Variants in PALM2AKAP2 observed in about 807,000 individuals in gnomAD.
PALM2AKAP2 encodes PALM2 and AKAP2 fusion.
In PALM2AKAP2, 37 loss-of-function variants were observed where a neutral mutation model predicts 71.5. The observed-to-expected ratio is 0.52, with a 90% CI of 0.40 to 0.68. PALM2AKAP2 has a LOEUF of 0.68. Among genes scored for constraint, PALM2AKAP2 ranks in the 30% least tolerant of loss-of-function variants. PALM2AKAP2 has a pLI of 0.00. For missense variants in PALM2AKAP2, 1,224 were observed against 1,191.8 expected (o/e 1.03, Z -0.40); for synonymous variants, 468 against 478.8 (o/e 0.98, Z 0.29).
exon 2 of PALM2AKAP2, chr9:110,138,194 G>A (rs1260907304): frequency 1.9e-6 from 3 of 1,613,878 alleles, no homozygotes; most frequent in Non-Finnish European, 2.5e-6. Flanking sequence ...GGCGCTCAGG[G>A]AAAGGGGGCC....
intron 6 of PALM2AKAP2, among the ~76,000 whole-genome samples, chr9:109,947,724 T>C (rs1394511308): frequency 2.0e-5 from 3 of 152,240 alleles, no homozygotes; most frequent in Non-Finnish European, 4.4e-5. Context: ...ACAGGTCCTT[T>C]CCTGGAAGAA....
chr9:109,983,234 A>G (rs1255317432), intron 6 of PALM2AKAP2, among the ~76,000 whole-genome samples: 6 of 152,192 alleles, frequency 3.9e-5, no homozygotes, highest in African/African-American at 1.4e-4. Context: ...TCCTTGACAA[A>G]ATGTGCCATA....
chr9:110,160,663 A>G (rs1268474168), intron 3 of PALM2AKAP2, among the ~76,000 whole-genome samples: 1 of 152,198 alleles, frequency 6.6e-6, no homozygotes, highest in Non-Finnish European at 1.5e-5. Context: ...GAGCCTCAGA[A>G]AGTGAAGATG....
intron 1 of PALM2AKAP2, chr9:109,867,118 T>C (rs1829467705): frequency 2.2e-6 from 1 of 456,964 alleles, no homozygotes; most frequent in Middle Eastern, 3.3e-4. Flanking sequence ...GATTGAGACG[T>C]TTTTATTCTT....
chr9:109,858,849 C>G (rs1291365929), intron 1 of PALM2AKAP2, among the ~76,000 whole-genome samples: 1 of 152,100 alleles, frequency 6.6e-6, no homozygotes, highest in African/African-American at 2.4e-5. Context: ...GTGAAGCACT[C>G]CTAGCAAAGA....
In PALM2AKAP2 at chr9:110,039,808, C is replaced by A. The variant is rs559957387; in HGVS notation, c.582+23769C>A. Among the ~76,000 whole-genome samples, 372 of 152,346 alleles carry A rather than the reference C, an allele frequency of 2.4e-3. 1 individual carries two copies. Among genetic ancestry groups the A allele is most frequent in the Non-Finnish European group, 4.2e-3 (283 of 68,046 alleles). Reference sequence around the variant, plus strand: ...CTTAGCAGTCAGCACTTGGACTCATCAACGCCTGAGCCCTCTGTGGGAATC... The same window carrying A: ...CTTAGCAGTCAGCACTTGGACTCATAAACGCCTGAGCCCTCTGTGGGAATC... On this transcript the variant is annotated intron_variant, in intron 7 of 9. Transcript: ENST00000302798.
At chr9:109,809,215 T>C (rs185202287) in intron 1 of PALM2AKAP2, among the ~76,000 whole-genome samples, 41 of 152,310 alleles carry the variant, frequency 2.7e-4, no homozygotes, top group Admixed American at 2.6e-3. Flanking sequence ...ACAGCTTTCA[T>C]CGTGCAACTA....
chr9:110,027,529 A>G (rs1833202005), intron 7 of PALM2AKAP2, among the ~76,000 whole-genome samples: 1 of 152,250 alleles, frequency 6.6e-6, no homozygotes, highest in African/African-American at 2.4e-5. Context: ...TTACATGTTC[A>G]ATATTTCTCA....
intron 1 of PALM2AKAP2, among the ~76,000 whole-genome samples, chr9:109,785,666 C>T (rs535763777): frequency 1.2e-4 from 18 of 152,302 alleles, no homozygotes; most frequent in Admixed American, 4.6e-4. Context: ...CATCAGATCT[C>T]GTGAGACTGA....
intron 1 of PALM2AKAP2, among the ~76,000 whole-genome samples, chr9:110,091,970 A>T (rs1834725928): frequency 6.6e-6 from 1 of 152,180 alleles, no homozygotes; most frequent in African/African-American, 2.4e-5. Flanking sequence ...GATGGAGCCA[A>T]GCCCTTTTGT....
At chr9:109,764,440 C>T (rs1379527999) in intron 1 of PALM2AKAP2, among the ~76,000 whole-genome samples, 1 of 152,192 alleles carries the variant, frequency 6.6e-6, no homozygotes, top group Non-Finnish European at 1.5e-5. Context: ...CCCCTAGCCC[C>T]CATTGAGAGC....
At chr9:110,017,004 T>C (rs12348142) in intron 7 of PALM2AKAP2, among the ~76,000 whole-genome samples, 11,363 of 152,096 alleles carry the variant, frequency 0.075, 1,350 homozygotes, top group African/African-American at 0.25. Context: ...CTCAGCCTCC[T>C]GAGTAGCTGG....
upstream of PALM2AKAP2, among the ~76,000 whole-genome samples, chr9:110,044,344 CTTTTTTTTTTTTTTTTT>C (rs57314430): frequency 5.0e-5 from 4 of 80,154 alleles, no homozygotes; most frequent in Non-Finnish European, 9.0e-5. Context: ...TTCTTTCTTT[CTTTTTTTTTTTTTTTTT>C]TTTTTTTTGA....
At chr9:109,641,223 A>G (rs1458515285) in intron 1 of PALM2AKAP2, among the ~76,000 whole-genome samples, 2 of 152,194 alleles carry the variant, frequency 1.3e-5, no homozygotes, top group Non-Finnish European at 2.9e-5. Context: ...ATTCCTAACC[A>G]TGTCAGCATT....
At chr9:109,665,754 G>T in intron 1 of PALM2AKAP2, among the ~76,000 whole-genome samples, 1 of 152,246 alleles carries the variant, frequency 6.6e-6, no homozygotes, top group East Asian at 1.9e-4. Context: ...TAAATCTGCA[G>T]AAGTTGTCTG....
chr9:109,976,268 A>G lies in PALM2AKAP2; in HGVS notation c.497-39686A>G, dbSNP rs73524667. ...CCAAGTACTATCATTAGCAGTTTAC[A>G]CATATTACCTCACTTAATCCCCACA... On this transcript the variant is annotated intron_variant, in intron 6 of 9. Transcript: ENST00000302798. Among the ~76,000 whole-genome samples the G allele has an allele frequency of 6.2e-4, 94 of 152,364 alleles. 1 individual carries two copies. The highest frequency in any genetic ancestry group is 2.2e-3 in the African/African-American group (91 of 41,580).
chr9:110,116,427 C>T (rs1362104409), intron 1 of PALM2AKAP2, among the ~76,000 whole-genome samples: 2 of 151,930 alleles, frequency 1.3e-5, no homozygotes, highest in African/African-American at 4.8e-5. Context: ...TGCACGCGCA[C>T]CTTGTAGGTA....
chr9:109,941,892 G>A (rs1204872169), intron 6 of PALM2AKAP2, among the ~76,000 whole-genome samples: 3 of 152,248 alleles, frequency 2.0e-5, no homozygotes, highest in Middle Eastern at 3.4e-3. Flanking sequence ...TTGACCAGTA[G>A]CAATGGAACA....
rs571883748 is a variant in PALM2AKAP2, at chr9:110,068,715, TAG to T, written c.156+19869_156+19870del. On this transcript the variant is annotated intron_variant, in intron 1 of 3. Coordinates refer to ENST00000374525, the Ensembl canonical transcript of PALM2AKAP2. ...CCTGGCTAATTTTTAAATTATTTTG[TAG>T]AGAGAGAGTCTTGCCTTGTTGCCCA... Among the ~76,000 whole-genome samples, 722 of 152,152 alleles carry T rather than the reference TAG, an allele frequency of 4.7e-3. 5 individuals are homozygous for T. Among genetic ancestry groups the T allele is most frequent in the African/African-American group, 0.016 (669 of 41,498 alleles).
Sources: allele counts gnomAD v4.1 joint callset (sites outside exome capture counted in the v4.1 genomes callset), GRCh38; gene constraint gnomAD v4.1.1; transcripts MANE v1.5; gene names NCBI Gene and HGNC (gene_info 2026-07-23, HGNC 2026-07-21).